The following EDIL3 variants were observed in gnomAD, a reference collection of about 807,000 sequenced individuals.
The protein encoded by EDIL3 is EGF like and discoidin domains 3, also known as EGF-like repeat and discoidin I-like domain-containing protein 3.
In EDIL3, 37 loss-of-function variants were observed where a neutral mutation model predicts 67.4. The observed-to-expected ratio is 0.55, with a 90% CI of 0.42 to 0.72. The LOEUF is 0.72. Ranked by LOEUF, EDIL3 falls within the 30% of genes least tolerant of loss-of-function variation. EDIL3 has a pLI of 0.00. For synonymous variants in EDIL3, 195 were observed against 196.3 expected (o/e 0.99, Z 0.05); for missense variants, 527 against 586.3 (o/e 0.90, Z 1.04).
chr5:84,111,833 A>C (rs1434912684), intron 5 of EDIL3, among the ~76,000 whole-genome samples: 1 of 152,194 alleles, frequency 6.6e-6, no homozygotes, highest in African/African-American at 2.4e-5. Context: ...CAGAGAAATA[A>C]GAACATTTTT....
In EDIL3 at chr5:84,311,317, TTTTTTTC is replaced by T. The variant is rs1287329545; in HGVS notation, c.68-57112_68-57106del. On this transcript the variant is annotated intron_variant, in intron 1 of 10. Transcript: ENST00000296591. ...CCCACTATTCAATGTATTTTCTTTT[TTTTTTTC>T]TTTTTTTTTTTTTTTACATGCAGTA... 3.3e-4 allele frequency among the ~76,000 whole-genome samples: 49 copies of T among 147,058 alleles called. 1 individual carries two copies. The highest frequency in any genetic ancestry group is 5.4e-4 in the Admixed American group (8 of 14,852).
intron 3 of EDIL3, among the ~76,000 whole-genome samples, chr5:84,201,931 A>G (rs898488946): frequency 6.6e-6 from 1 of 152,152 alleles, no homozygotes; most frequent in Non-Finnish European, 1.5e-5. Context: ...GAAGAAGTAC[A>G]TAGATTTTAA....
At chr5:83,964,185 C>T (rs1247190750) in intron 9 of EDIL3, among the ~76,000 whole-genome samples, 3 of 151,946 alleles carry the variant, frequency 2.0e-5, no homozygotes, top group South Asian at 2.1e-4. Context: ...TAGAATAGTT[C>T]GGTATTTTCC....
intron 1 of EDIL3, among the ~76,000 whole-genome samples, chr5:84,358,592 C>CTTTTTTTTTTTTT (rs756013675): frequency 2.1e-5 from 2 of 94,560 alleles, no homozygotes; most frequent in African/African-American, 7.9e-5. Flanking sequence ...CATTTTTATC[C>CTTTTTTTTTTTTT]TTTTTTTTTT....
chr5:84,087,025 C>T (rs1747086782), intron 6 of EDIL3, among the ~76,000 whole-genome samples: 1 of 152,182 alleles, frequency 6.6e-6, no homozygotes, highest in African/African-American at 2.4e-5. Context: ...TGCCTTTGAC[C>T]ATTTGAGAGT....
chr5:84,137,436 C>A, intron 4 of EDIL3, 82 bp from the exon 5 acceptor site: 1 of 1,232,204 alleles, frequency 8.1e-7, no homozygotes, highest in Non-Finnish European at 1.2e-6. Flanking sequence ...ATTTGAAATA[C>A]AAATGTCTTA....
intron 10 of EDIL3, among the ~76,000 whole-genome samples, chr5:83,949,185 C>A (rs904767113): frequency 6.6e-6 from 1 of 151,746 alleles, no homozygotes; most frequent in African/African-American, 2.4e-5. Flanking sequence ...AACAACACTA[C>A]AGCACAAATT....
intron 5 of EDIL3, among the ~76,000 whole-genome samples, chr5:84,119,266 A>G (rs944361240): frequency 1.6e-5 from 2 of 122,542 alleles, no homozygotes; most frequent in Non-Finnish European, 3.2e-5. Flanking sequence ...TAGAACATCT[A>G]CTCCCATTTC....
At chr5:83,956,150 C>T (rs1744510447) in intron 10 of EDIL3, among the ~76,000 whole-genome samples, 1 of 151,646 alleles carries the variant, frequency 6.6e-6, no homozygotes, top group Non-Finnish European at 1.5e-5. Flanking sequence ...GGGCACTAGC[C>T]CTCTCTCTGC....
intron 9 of EDIL3, among the ~76,000 whole-genome samples, chr5:84,044,965 A>G (rs1458620896): frequency 6.6e-6 from 1 of 152,158 alleles, no homozygotes; most frequent in African/African-American, 2.4e-5. Flanking sequence ...AGACATACTC[A>G]AGACTGGGTA....
intron 9 of EDIL3, among the ~76,000 whole-genome samples, chr5:84,003,357 A>T (rs1745363618): frequency 2.0e-5 from 3 of 152,100 alleles, no homozygotes; most frequent in Non-Finnish European, 1.5e-5. Context: ...GTGAGGAGGG[A>T]ACAAAAAGCC....
At chr5:84,074,488 A>C (rs1230326731) in intron 6 of EDIL3, among the ~76,000 whole-genome samples, 4 of 152,214 alleles carry the variant, frequency 2.6e-5, no homozygotes, top group Non-Finnish European at 4.4e-5. Flanking sequence ...CAATGAACTC[A>C]AACAAATTTA....
intron 1 of EDIL3, among the ~76,000 whole-genome samples, chr5:84,309,970 T>G (rs1746351818): frequency 6.6e-6 from 1 of 152,204 alleles, no homozygotes; most frequent in Non-Finnish European, 1.5e-5. Flanking sequence ...AGTGTGAAAG[T>G]GTTCCTATTT....
rs1199444588 is a variant in EDIL3, at chr5:84,060,365, G to A, written c.1072C>T (p.Leu358=). Reference sequence around the variant, plus strand: ...GCATTCACTTTGCCTTGCTTGTCCAGCCGAGCTTTCCTTGGTTCCCAAGTG... The same window carrying A: ...GCATTCACTTTGCCTTGCTTGTCCAACCGAGCTTTCCTTGGTTCCCAAGTG... The part of the protein sequence containing the change: ...MFTWEPRKAR[L]DKQGKVNAWT... Residue 358 remains leucine (L), a synonymous_variant, in exon 9 of 11, where the codon CTG becomes TTG. Coordinates refer to ENST00000296591, the MANE Select transcript of EDIL3 (RefSeq NM_005711.5). The A allele has an allele frequency of 1.2e-6, 2 of 1,613,856 alleles. No individual in the cohort carries two copies. Among genetic ancestry groups the A allele is most frequent in the South Asian group, 1.1e-5 (1 of 91,072 alleles).
At chr5:84,237,855 T>C (rs1744710009) in intron 2 of EDIL3, among the ~76,000 whole-genome samples, 1 of 152,168 alleles carries the variant, frequency 6.6e-6, no homozygotes, top group Non-Finnish European at 1.5e-5. Flanking sequence ...TCTCTTGCTT[T>C]AATAAAGTTA....
intron 1 of EDIL3, among the ~76,000 whole-genome samples, chr5:84,325,837 A>G (rs1179486790): frequency 6.6e-6 from 1 of 152,136 alleles, no homozygotes; most frequent in Non-Finnish European, 1.5e-5. Context: ...GTATGCTAAA[A>G]TGTGGATAAA....
chr5:84,060,321 A>G lies in EDIL3; in HGVS notation c.1116T>C (p.Asn372=). 6.2e-7 allele frequency: 1 copy of G among 1,613,744 alleles called. No individual in the cohort carries two copies. Reference sequence around the variant, plus strand: ...TTACCTGTAACCATTGTGACTGGTCATTGTGGCCAGAGGTCCAGGCATTCA... The same window carrying G: ...TTACCTGTAACCATTGTGACTGGTCGTTGTGGCCAGAGGTCCAGGCATTCA... ...GKVNAWTSGH[N]DQSQWLQVDL... is the part of the protein sequence containing the mutation. Residue 372 remains asparagine (N), a synonymous_variant, in exon 9 of 11, where the codon AAT becomes AAC. Coordinates refer to ENST00000296591, the MANE Select transcript of EDIL3 (RefSeq NM_005711.5).
At chr5:84,069,273 C>T (rs534889101) in intron 6 of EDIL3, among the ~76,000 whole-genome samples, 3 of 152,078 alleles carry the variant, frequency 2.0e-5, no homozygotes, top group African/African-American at 4.8e-5. Flanking sequence ...TAGCCTCCTA[C>T]ATTAATATAA....
rs137857011 is a variant in EDIL3 at position 84,175,437 on chromosome 5, T to A, written c.355+4956A>T. Among the ~76,000 whole-genome samples, 294 of 152,324 alleles carry A rather than the reference T, an allele frequency of 1.9e-3. 2 individuals are homozygous for A. The highest frequency in any genetic ancestry group is 6.7e-3 in the African/African-American group (278 of 41,580). ...CATTATATTTTAAAGTATTAGTCCA[T>A]TAGGCATACCTAACTTTTTAAAGTT... On this transcript the variant is annotated intron_variant, in intron 4 of 10. Transcript: ENST00000296591.
Sources: gnomAD v4.1 joint callset for allele counts (sites outside exome capture counted in the v4.1 genomes callset) on GRCh38, gnomAD v4.1.1 for gene constraint, MANE v1.5 for transcripts, NCBI Gene and HGNC (gene_info 2026-07-23, HGNC 2026-07-21) for gene names.